The following ALDH1L1 variants were observed in gnomAD, a reference collection of about 807,000 sequenced individuals.
The protein encoded by ALDH1L1 is aldehyde dehydrogenase 1 family member L1.
Under a neutral mutation model 101.1 loss-of-function variants are expected in ALDH1L1, and 68 were observed. The ratio of observed to expected loss-of-function variants is 0.67; its 90% CI spans 0.55 to 0.82. The LOEUF is 0.82. Among genes scored for constraint, ALDH1L1 ranks in the 40% least tolerant of loss-of-function variants. The pLI is 0.00. For synonymous variants in ALDH1L1, 486 were observed against 470.8 expected (o/e 1.03, Z -0.42); for missense variants, 1,087 against 1,172.7 (o/e 0.93, Z 1.07).
intron 1 of ALDH1L1, among the ~76,000 whole-genome samples, chr3:126,163,525 G>T (rs2081104968): frequency 6.6e-6 from 1 of 152,210 alleles, no homozygotes; most frequent in Non-Finnish European, 1.5e-5. Context: ...ACCTTGGGAA[G>T]AAACCATTCA....
chr3:126,174,435 CCAA>C (rs2081336857), intron 1 of ALDH1L1, among the ~76,000 whole-genome samples: 2 of 152,154 alleles, frequency 1.3e-5, no homozygotes, highest in Admixed American at 6.5e-5. Context: ...AATACTTCAC[CCAA>C]CAACAACAGA....
At position 126,150,702 on chromosome 3, in the gene ALDH1L1, C is replaced by T. The variant is rs367873881; in HGVS notation, c.859-171G>A. The T allele has an allele frequency of 6.0e-4, 413 of 687,266 alleles. 5 individuals are homozygous for T. The South Asian group carries it at 6.9e-3, about 11-fold the overall frequency. 42.6% of individuals were successfully genotyped at this position (687,266 alleles called of 1,614,324 possible). ...TCCTGAATAGCTGGGATTACAGGCG[C>T]GCACCACCATGCCCGACTAATTTTT... On this transcript the variant is annotated intron_variant, in intron 7 of 22. Coordinates refer to ENST00000393434, the MANE Select transcript of ALDH1L1 (RefSeq NM_012190.4).
In ALDH1L1 at chr3:126,192,835, C is replaced by T. The variant is rs375247557; in HGVS notation, c.-24+4900G>A. ...GAGTTTAATTGAGTGATGAATGATT[C>T]GTGAATCGGGCAGCCCCCAGAATCA... On this transcript the variant is annotated intron_variant, in intron 1 of 2. Coordinates refer to the ALDH1L1 transcript ENST00000509952. Among the ~76,000 whole-genome samples the T allele has an allele frequency of 1.9e-3, 288 of 152,262 alleles. 1 individual carries two copies. The highest frequency in any genetic ancestry group is 6.7e-3 in the African/African-American group (280 of 41,544).
rs762849380 is a variant in ALDH1L1 at position 126,112,899 on chromosome 3, A to G, written c.2083-19T>C. Reference sequence around the variant, plus strand: ...TCATCCCCTTCAGAGAATGGACAAGAACACCAGGTCACTGCTCCTCCTGGG... The same window carrying G: ...TCATCCCCTTCAGAGAATGGACAAGGACACCAGGTCACTGCTCCTCCTGGG... On this transcript the variant is annotated intron_variant, in intron 18 of 22. Transcript: ENST00000393434. The G allele has an allele frequency of 6.2e-7, 1 of 1,609,578 alleles. No individual in the cohort carries two copies. The highest frequency in any genetic ancestry group is 8.5e-7 in the Non-Finnish European group (1 of 1,177,784).
chr3:126,171,566 C>A (rs1449467033), intron 1 of ALDH1L1, among the ~76,000 whole-genome samples: 2 of 152,172 alleles, frequency 1.3e-5, no homozygotes, highest in Admixed American at 6.5e-5. Context: ...GTATTTCTTT[C>A]CTCTTTCTTT....
In ALDH1L1 at chr3:126,137,904, A is replaced by G; in HGVS notation, c.1133T>C (p.Val378Ala). ...CDGLELENED[V>A]YMASTFGDFI... ...GTCCCCAAAGGTGGATGCCATGTAC[A>G]CATCTTCATTTTCTAACTCCAGGCC... The change falls in exon 10 of 23, where the codon GTG becomes GCG. Residue 378 changes from valine to alanine, a missense_variant. Coordinates refer to ENST00000393434, the MANE Select transcript of ALDH1L1 (RefSeq NM_012190.4). The G allele has an allele frequency of 6.2e-7, 1 of 1,614,164 alleles. No homozygotes were observed. The highest frequency in any genetic ancestry group is 8.5e-7 in the Non-Finnish European group (1 of 1,180,018).
At chr3:126,119,248 A>G (rs12106774) in intron 16 of ALDH1L1, among the ~76,000 whole-genome samples, 94,020 of 151,962 alleles carry the variant, frequency 0.62, 29,630 homozygotes, top group African/African-American at 0.74. Context: ...CTCCAGCCAA[A>G]CTCCTCTGGG....
At chr3:126,169,216 A>G (rs1342091736) in intron 1 of ALDH1L1, among the ~76,000 whole-genome samples, 1 of 152,220 alleles carries the variant, frequency 6.6e-6, no homozygotes, top group African/African-American at 2.4e-5. Context: ...TTTCAGAGTC[A>G]AGAAAACTTG....
rs1342174834 is a variant in ALDH1L1 at position 126,131,550 on chromosome 3, G to A, written c.1473-16C>T. 2 of 1,595,258 alleles carry A rather than the reference G, an allele frequency of 1.3e-6. No individual in the cohort carries two copies. The highest frequency in any genetic ancestry group is 1.7e-6 in the Non-Finnish European group (2 of 1,165,072). On this transcript the variant is annotated splice_polypyrimidine_tract_variant and intron_variant, in intron 12 of 22. Transcript: ENST00000393434. ...ATCTGCCAACCTGACCAGGGTGAGG[G>A]GAAGCGGGAGGTGGGCTCAGGCCTG...
At chr3:126,170,527 C>A (rs2081253217) in intron 1 of ALDH1L1, among the ~76,000 whole-genome samples, 1 of 151,664 alleles carries the variant, frequency 6.6e-6, no homozygotes, top group Non-Finnish European at 1.5e-5. Context: ...GCCTAATTAA[C>A]CTTTATCAAA....
intron 17 of ALDH1L1, chr3:126,115,113 C>G (rs759981017): frequency 1.5e-5 from 7 of 457,126 alleles, no homozygotes; most frequent in South Asian, 1.1e-4. Flanking sequence ...AGCACAGTGC[C>G]TGCACGCAGC....
intron 9 of ALDH1L1, among the ~76,000 whole-genome samples, chr3:126,142,114 C>A (rs1270174645): frequency 6.7e-6 from 1 of 149,118 alleles, no homozygotes; most frequent in African/African-American, 2.5e-5. Flanking sequence ...AACAAATTCC[C>A]AGAAACACAC....
intron 22 of ALDH1L1, chr3:126,105,357 G>T (rs1201229182): frequency 2.9e-6 from 1 of 347,676 alleles, no homozygotes; most frequent in African/African-American, 2.1e-5. Context: ...ACCAAAGCTG[G>T]TTCCCCCAAG....
At chr3:126,130,401 CT>C in intron 13 of ALDH1L1, 108 bp from the exon 14 acceptor site, 1 of 963,232 alleles carries the variant, frequency 1.0e-6, no homozygotes, top group Non-Finnish European at 1.4e-6. Context: ...AAGCGACCAG[CT>C]TAGGTGTGAC....
At chr3:126,144,745 A>T (rs7648980) in intron 9 of ALDH1L1, among the ~76,000 whole-genome samples, 1 of 152,150 alleles carries the variant, frequency 6.6e-6, no homozygotes, top group East Asian at 1.9e-4. Context: ...CTATAAAACT[A>T]GAAGAAAGCA....
intron 17 of ALDH1L1, among the ~76,000 whole-genome samples, chr3:126,117,236 A>G (rs1473241290): frequency 2.0e-5 from 3 of 147,682 alleles, no homozygotes; most frequent in Admixed American, 6.6e-5. Flanking sequence ...GTGAGACTCC[A>G]TTGAAAAAAA....
rs1218652135 is a variant in ALDH1L1, at chr3:126,114,622, C to T, written c.2017G>A (p.Glu673Lys). The change falls in exon 18 of 23, where the codon GAA becomes AAA. Residue 673 changes from glutamate to lysine, a missense_variant. Transcript: ENST00000393434. ...ATGAGGGGTGACTTCCCGCCCAGTTCCAGGGACACCTTCTTCACGTTACTT... is the reference window on the plus strand; with the variant it reads ...ATGAGGGGTGACTTCCCGCCCAGTTTCAGGGACACCTTCTTCACGTTACTT... Reference protein sequence around the residue: ...AISNVKKVSLELGGKSPLIIF... With the variant: ...AISNVKKVSLKLGGKSPLIIF... 2 of 1,519,148 alleles carry T rather than the reference C, an allele frequency of 1.3e-6. No homozygotes were observed. Among genetic ancestry groups the T allele is most frequent in the East Asian group, 2.3e-5 (1 of 43,902 alleles). 94.1% of individuals were successfully genotyped at this position (1,519,148 alleles called of 1,614,324 possible). A position where few individuals can be genotyped will look rare whatever the true frequency, so the allele number is the denominator to read the frequency against.
At chr3:126,143,337 G>T (rs1297984352) in intron 9 of ALDH1L1, among the ~76,000 whole-genome samples, 1 of 152,222 alleles carries the variant, frequency 6.6e-6, no homozygotes, top group Non-Finnish European at 1.5e-5. Flanking sequence ...TGGGTGGGCA[G>T]TGCATACACC....
chr3:126,143,636 C>G (rs370340115), intron 9 of ALDH1L1, among the ~76,000 whole-genome samples: 45 of 152,314 alleles, frequency 3.0e-4, no homozygotes, highest in African/African-American at 1.0e-3. Context: ...CATATCTCAT[C>G]ACAGATAACA....
Sources: gnomAD v4.1 joint callset for allele counts (sites outside exome capture counted in the v4.1 genomes callset) on GRCh38, gnomAD v4.1.1 for gene constraint, MANE v1.5 for transcripts, NCBI Gene and HGNC (gene_info 2026-07-23, HGNC 2026-07-21) for gene names.